Variants in EYS observed in about 807,000 individuals in gnomAD.
EYS encodes protein eyes shut homolog.
A neutral mutation model predicts 282.1 loss-of-function variants in EYS; 250 were observed. The ratio of observed to expected loss-of-function variants is 0.89; its 90% confidence interval spans 0.80 to 0.98. The LOEUF (loss-of-function observed/expected upper bound fraction) is 0.98, where lower values mean the gene tolerates loss of function less well. Among genes scored for constraint, EYS ranks in the 50% least tolerant of loss-of-function variants. EYS has a pLI of 0.00. For missense variants in EYS, 4,016 were observed against 3,709.0 expected (o/e 1.08, Z -2.15); for synonymous variants, 1,355 against 1,282.9 (o/e 1.06, Z -1.20).
intron 26 of EYS, among the ~76,000 whole-genome samples, chr6:64,442,406 C>T (rs756735539): frequency 7.9e-5 from 12 of 152,026 alleles, no homozygotes; most frequent in Admixed American, 2.0e-4. Context: ...CCTGACAATG[C>T]GATAGAAAAG....
At chr6:64,466,169 G>C (rs1376523297) in intron 26 of EYS, among the ~76,000 whole-genome samples, 2 of 152,096 alleles carry the variant, frequency 1.3e-5, no homozygotes, top group East Asian at 3.9e-4. Flanking sequence ...AATTAGAACA[G>C]CCATTATGGA....
Position 63,920,155 on chromosome 6 carries a change from G to GC in EYS, c.7056-55798dup, listed in dbSNP as rs1764530238. ...AAGGTTTGATTAGTAGCATTCCAAA[G>GC]CCTTTTTTTTTTAATAGAATGCACT... On this transcript the variant is annotated intron_variant, in intron 35 of 42. Coordinates refer to ENST00000503581, the MANE Select transcript of EYS (RefSeq NM_001142800.2). 3.0e-5 allele frequency among the ~76,000 whole-genome samples: 4 copies of GC among 135,524 alleles called. No homozygotes were observed. The South Asian group carries it at 9.5e-4, about 32-fold the overall frequency. 88.9% of individuals were successfully genotyped at this position (135,524 alleles called of 152,430 possible). A position where few individuals can be genotyped will look rare whatever the true frequency, so the allele number is the denominator to read the frequency against.
intron 18 of EYS, among the ~76,000 whole-genome samples, chr6:64,894,149 T>A (rs1260741456): frequency 6.6e-6 from 1 of 152,144 alleles, no homozygotes; most frequent in Non-Finnish European, 1.5e-5. Context: ...AATGTATAGA[T>A]GCTTATGATT....
chr6:65,138,457 C>T (rs1303312825), intron 12 of EYS, among the ~76,000 whole-genome samples: 1 of 151,920 alleles, frequency 6.6e-6, no homozygotes, highest in Non-Finnish European at 1.5e-5. Context: ...TATTTGGTTC[C>T]ACGCTGAAAT....
chr6:64,439,218 A>G lies in EYS; in HGVS notation c.5779T>C (p.Ser1927Pro), dbSNP rs921629471. 4.0e-6 allele frequency: 6 copies of G among 1,482,664 alleles called. No homozygotes were observed. In the Admixed American group the frequency reaches 1.0e-4, roughly 25 times the overall value. 91.8% of individuals were successfully genotyped at this position (1,482,664 alleles called of 1,614,324 possible). A position where few individuals can be genotyped will look rare whatever the true frequency, so the allele number is the denominator to read the frequency against. ...YGLLLYVKQD[S>P]NLVDGFFIQL... ...ATAAAAAATCCATCTACTAAATTTG[A>G]GTCTTGCTTGACATACAGCAGAAGT... is the stretch of plus-strand genomic sequence containing the variant. The change falls in exon 27 of 43, where the codon TCA becomes CCA. Residue 1927 changes from serine (S) to proline (P), a missense_variant. By Grantham distance (74) the Ser-to-Pro change is moderately conservative. Coordinates refer to ENST00000503581, the MANE Select transcript of EYS (RefSeq NM_001142800.2).
intron 28 of EYS, among the ~76,000 whole-genome samples, chr6:64,404,378 AGAGT>A (rs764510113): frequency 1.6e-4 from 23 of 142,808 alleles, no homozygotes; most frequent in African/African-American, 3.7e-4. Context: ...ATAGAGTGTG[AGAGT>A]GTGTGTGTGT....
At chr6:63,837,152 A>G (rs1292406532) in intron 36 of EYS, among the ~76,000 whole-genome samples, 1 of 152,126 alleles carries the variant, frequency 6.6e-6, no homozygotes, top group African/African-American at 2.4e-5. Context: ...ACATTTTATG[A>G]AAAAGAACAC....
chr6:64,074,885 T>A (rs763204436), intron 32 of EYS, among the ~76,000 whole-genome samples: 3 of 151,938 alleles, frequency 2.0e-5, no homozygotes, highest in African/African-American at 7.2e-5. Context: ...CTGCATCACT[T>A]GTAGTCAAAC....
At chr6:64,162,910 G>T (rs1485457140) in intron 31 of EYS, among the ~76,000 whole-genome samples, 3 of 152,110 alleles carry the variant, frequency 2.0e-5, no homozygotes, top group Non-Finnish European at 4.4e-5. Flanking sequence ...GAAATAGTAT[G>T]AATTCATGTA....
At chr6:63,793,115 C>T (rs1264731324) in intron 37 of EYS, among the ~76,000 whole-genome samples, 1 of 152,204 alleles carries the variant, frequency 6.6e-6, no homozygotes, top group African/African-American at 2.4e-5. Context: ...CCAGAACTTA[C>T]TTCAAATGCA....
intron 12 of EYS, among the ~76,000 whole-genome samples, chr6:65,219,273 T>C (rs1282412406): frequency 1.3e-5 from 2 of 152,160 alleles, no homozygotes; most frequent in African/African-American, 4.8e-5. Context: ...TGCTGCCAGA[T>C]TTGACAAAGA....
chr6:64,126,943 G>C (rs182725839), intron 31 of EYS, among the ~76,000 whole-genome samples: 178 of 152,188 alleles, frequency 1.2e-3, no homozygotes, highest in African/African-American at 4.1e-3. Context: ...CTAGGCTCCA[G>C]TAAGACATAG....
intron 5 of EYS, among the ~76,000 whole-genome samples, chr6:65,420,146 C>T (rs887582924): frequency 1.3e-5 from 2 of 151,976 alleles, no homozygotes; most frequent in East Asian, 1.9e-4. Flanking sequence ...GCTTTCATTT[C>T]ATGAAATATT....
At chr6:64,945,717 T>C (rs1769263338) in intron 15 of EYS, 76 bp downstream of exon 15, 1 of 1,295,994 alleles carries the variant, frequency 7.7e-7, no homozygotes, top group Admixed American at 2.3e-5. Context: ...AAAGTGAAAA[T>C]AATGTCTGGA....
chr6:64,066,508 A>T lies in EYS; in HGVS notation c.6572-17T>A. The T allele has an allele frequency of 4.3e-6, 6 of 1,402,890 alleles. No homozygotes were observed. Among genetic ancestry groups the T allele is most frequent in the Non-Finnish European group, 5.9e-6 (6 of 1,021,614 alleles). The allele number at this position is 1,402,890 out of a possible 1,614,324, so 86.9% of individuals were successfully genotyped here. ...TCCCATTACCTTTAAGAAAAAAAGA[A>T]TATATTAGTAATTATTGTAGATTTA... On this transcript the variant is annotated splice_polypyrimidine_tract_variant and intron_variant, in intron 32 of 42. Transcript: ENST00000503581.
At chr6:63,774,899 TAA>T (rs11418361) in intron 40 of EYS, among the ~76,000 whole-genome samples, 127 of 141,668 alleles carry the variant, frequency 9.0e-4, no homozygotes, top group African/African-American at 3.0e-3. Flanking sequence ...TTTATTTACC[TAA>T]AAAAAAAAAA....
intron 30 of EYS, among the ~76,000 whole-genome samples, chr6:64,282,261 G>T (rs1398244600): frequency 6.6e-6 from 1 of 152,138 alleles, no homozygotes; most frequent in Non-Finnish European, 1.5e-5. Context: ...TAGTTGCAAA[G>T]ATTTTGGGAC....
At chr6:64,350,507 T>C (rs1473364479) in intron 29 of EYS, among the ~76,000 whole-genome samples, 5 of 151,492 alleles carry the variant, frequency 3.3e-5, no homozygotes, top group Admixed American at 1.3e-4. Context: ...GAGCCAGTTG[T>C]ATGGATCTGG....
chr6:63,920,082 T>C (rs1231206948), intron 35 of EYS, among the ~76,000 whole-genome samples: 3 of 152,234 alleles, frequency 2.0e-5, no homozygotes, highest in African/African-American at 7.2e-5. Flanking sequence ...TGTATCTGTG[T>C]GTAGTTTTAG....
Sources: allele counts gnomAD v4.1 joint callset (sites outside exome capture counted in the v4.1 genomes callset), GRCh38; gene constraint gnomAD v4.1.1; transcripts MANE v1.5; gene names NCBI Gene and HGNC (gene_info 2026-07-23, HGNC 2026-07-21).